The following DDX60L variants were observed in gnomAD, a reference collection of about 807,000 sequenced individuals.
DDX60L encodes probable ATP-dependent RNA helicase DDX60-like.
Under a neutral mutation model 211.6 loss-of-function variants are expected in DDX60L, and 191 were observed. That is an observed-to-expected ratio of 0.90 (90% confidence interval 0.80 to 1.02). The LOEUF is 1.02. Ranked by LOEUF, DDX60L falls within the 50% of genes least tolerant of loss-of-function variation. The pLI is 0.00. For synonymous variants in DDX60L, 706 were observed against 694.1 expected, an observed-to-expected ratio of 1.02 and a Z score of -0.27; for missense variants, 2,007 against 1,984.1, an observed-to-expected ratio of 1.01 and a Z score of -0.22.
Position 168,403,958 on chromosome 4 carries a change from ATAAAT to A in DDX60L, c.3338+19_3338+23del, listed in dbSNP as rs1220591420. The A allele has an allele frequency of 7.2e-7, 1 of 1,385,530 alleles. No individual in the cohort carries two copies. Among genetic ancestry groups the A allele is most frequent in the Admixed American group, 2.4e-5 (1 of 41,142 alleles). 85.8% of individuals were successfully genotyped at this position (1,385,530 alleles called of 1,614,324 possible). A position where few individuals can be genotyped will look rare whatever the true frequency, so the allele number is the denominator to read the frequency against. On this transcript the variant is annotated intron_variant, in intron 25 of 37. Coordinates refer to ENST00000682922, the MANE Select transcript of DDX60L (RefSeq NM_001012967.3). Reference sequence around the variant, plus strand: ...AAAAAATTCTCACATATAAACAAAGATAAATTAAGTTTCAGTTACTTACAAAAAAA... The same window carrying A: ...AAAAAATTCTCACATATAAACAAAGATAAGTTTCAGTTACTTACAAAAAAA...
chr4:168,479,981 C>CAAAAAA (rs60737462), intron 1 of DDX60L, among the ~76,000 whole-genome samples: 1 of 100,898 alleles, frequency 9.9e-6, no homozygotes, highest in Non-Finnish European at 2.0e-5. Context: ...GAGACTGACT[C>CAAAAAA]AAAAAAAAAA....
intron 9 of DDX60L, 44 bp from the exon 10 acceptor site, chr4:168,441,536 A>T (rs1196332003): frequency 6.8e-7 from 1 of 1,471,122 alleles, no homozygotes; most frequent in East Asian, 2.3e-5. Flanking sequence ...AGTCATACAC[A>T]TGCAGACACA....
At chr4:168,453,621 T>C (rs1177080328) in intron 7 of DDX60L, among the ~76,000 whole-genome samples, 2 of 152,128 alleles carry the variant, frequency 1.3e-5, no homozygotes, top group African/African-American at 4.8e-5. Flanking sequence ...GAGTAATATC[T>C]ACAAACCCAT....
chr4:168,448,645 A>G lies in DDX60L; in HGVS notation c.1131T>C (p.Ser377=). 2 of 1,543,376 alleles carry G rather than the reference A, an allele frequency of 1.3e-6. No individual in the cohort carries two copies. Among genetic ancestry groups the G allele is most frequent in the South Asian group, 2.3e-5 (2 of 85,922 alleles). Residue 377 remains serine (S), a synonymous_variant, in exon 9 of 38, where the codon AGT becomes AGC. Coordinates refer to ENST00000682922, the MANE Select transcript of DDX60L (RefSeq NM_001012967.3). ...KNIAFYYEFE[S]TQEPHLNLGD... ...TGCATATTCAGGTACTACCTTGAGTACTTTCAAATTCATAGTAGAAGGCTA... is the reference window on the plus strand; with the variant it reads ...TGCATATTCAGGTACTACCTTGAGTGCTTTCAAATTCATAGTAGAAGGCTA...
At chr4:168,381,916 A>C (rs1442623907) in intron 30 of DDX60L, among the ~76,000 whole-genome samples, 1 of 152,156 alleles carries the variant, frequency 6.6e-6, no homozygotes, top group East Asian at 1.9e-4. Context: ...AAACCTTTAA[A>C]GTGTACTACT....
intron 9 of DDX60L, among the ~76,000 whole-genome samples, chr4:168,446,536 A>G (rs1431643940): frequency 6.6e-6 from 1 of 152,228 alleles, no homozygotes; most frequent in East Asian, 1.9e-4. Context: ...ACTACTTTAA[A>G]GTTCATACGG....
chr4:168,477,322 G>T (rs1335794687), intron 1 of DDX60L, among the ~76,000 whole-genome samples: 1 of 151,946 alleles, frequency 6.6e-6, no homozygotes, highest in Non-Finnish European at 1.5e-5. Context: ...GGCTGAGGCA[G>T]GAGAATGGCA....
At chr4:168,440,192 T>A (rs1579655249) in intron 10 of DDX60L, among the ~76,000 whole-genome samples, 1 of 152,112 alleles carries the variant, frequency 6.6e-6, no homozygotes, top group Admixed American at 6.5e-5. Flanking sequence ...GTCTCTGCAC[T>A]CCAGCCTGGG....
At chr4:168,393,047 C>A (rs1033937048) in intron 28 of DDX60L, among the ~76,000 whole-genome samples, 4 of 152,108 alleles carry the variant, frequency 2.6e-5, no homozygotes, top group Non-Finnish European at 4.4e-5. Context: ...TAATTAATAA[C>A]CTTTATGAAA....
intron 17 of DDX60L, among the ~76,000 whole-genome samples, chr4:168,420,682 T>TAGAC (rs70961519): frequency 0.021 from 2,741 of 127,508 alleles, 40 homozygotes; most frequent in African/African-American, 0.048. Context: ...GATAGATAGA[T>TAGAC]AGACAGACAG....
chr4:168,433,000 A>G lies in DDX60L; in HGVS notation c.1400+10T>C. On this transcript the variant is annotated intron_variant, in intron 11 of 37. Transcript: ENST00000682922. ...ATGGCACTAAATCAGGTACTTCATT[A>G]ACTCTGTACCTCTTTAGAATAGGCA... The G allele has an allele frequency of 6.4e-7, 1 of 1,572,022 alleles. No homozygotes were observed. The highest frequency in any genetic ancestry group is 8.7e-7 in the Non-Finnish European group (1 of 1,151,102).
In DDX60L at chr4:168,363,571, G is replaced by A. The variant is rs551194052; in HGVS notation, c.4929-2360C>T. Among the ~76,000 whole-genome samples the A allele has an allele frequency of 2.6e-5, 4 of 152,204 alleles. No homozygotes were observed. In the East Asian group the frequency reaches 5.8e-4, roughly 22 times the overall value. On this transcript the variant is annotated intron_variant, in intron 36 of 37. Coordinates refer to ENST00000682922, the MANE Select transcript of DDX60L (RefSeq NM_001012967.3). The stretch of plus-strand genomic sequence containing the variant: ...GTCAACAAAAACAGAAATTATTGTG[G>A]GGAAGCAAGAAAGTCTAAAATATTT...
chr4:168,470,041 A>G (rs1467620738), intron 4 of DDX60L: 3 of 152,252 alleles, frequency 2.0e-5, no homozygotes, highest in African/African-American at 7.2e-5. Flanking sequence ...TTCACAAGTC[A>G]TAGTATACAA....
intron 20 of DDX60L, 130 bp downstream of exon 20, chr4:168,416,552 G>C (rs539682083): frequency 3.2e-5 from 17 of 523,614 alleles, no homozygotes; most frequent in Non-Finnish European, 5.2e-5. Flanking sequence ...GACCACTGAC[G>C]TTTCAAAGAT....
chr4:168,391,483 G>T, intron 29 of DDX60L, 57 bp downstream of exon 29: 1 of 1,120,890 alleles, frequency 8.9e-7, no homozygotes, highest in Non-Finnish European at 1.3e-6. Context: ...AGTGCCACAT[G>T]GTTCATTATT....
At chr4:168,438,005 C>G (rs1438237767) in intron 10 of DDX60L, among the ~76,000 whole-genome samples, 2 of 152,148 alleles carry the variant, frequency 1.3e-5, no homozygotes, top group Non-Finnish European at 2.9e-5. Flanking sequence ...TCCCGAGTAG[C>G]TGGGATTACA....
At chr4:168,387,101 G>A (rs946476016) in intron 29 of DDX60L, among the ~76,000 whole-genome samples, 4 of 152,128 alleles carry the variant, frequency 2.6e-5, no homozygotes, top group Admixed American at 6.6e-5. Context: ...GTATGCCCCT[G>A]GCCAACAGAC....
intron 10 of DDX60L, among the ~76,000 whole-genome samples, chr4:168,435,920 T>C (rs1752976898): frequency 6.6e-6 from 1 of 152,130 alleles, no homozygotes; most frequent in Non-Finnish European, 1.5e-5. Context: ...CTCAGCAAAA[T>C]TTGTTGATGG....
At chr4:168,361,429 G>A in intron 36 of DDX60L, 1 of 420,900 alleles carries the variant, frequency 2.4e-6, no homozygotes, top group Non-Finnish European at 4.3e-6. Context: ...TATCAAAGGG[G>A]GAGGGTGAAA....
Sources: gnomAD v4.1 joint callset for allele counts (sites outside exome capture counted in the v4.1 genomes callset) on GRCh38, gnomAD v4.1.1 for gene constraint, MANE v1.5 for transcripts, NCBI Gene and HGNC (gene_info 2026-07-23, HGNC 2026-07-21) for gene names.